Variants in SLC35F1 observed in about 807,000 individuals in gnomAD.
SLC35F1 encodes the protein solute carrier family 35 member F1.
In SLC35F1, 14 loss-of-function variants were observed where a neutral mutation model predicts 48.7. That is an observed-to-expected ratio of 0.29 (90% CI 0.19 to 0.45). The LOEUF is 0.45. Ranked by LOEUF, SLC35F1 falls within the 20% of genes least tolerant of loss-of-function variation. The probability of loss-of-function intolerance (pLI) is 1.00; values close to 1 mark genes in which losing one functional copy is unlikely to be tolerated. For missense variants in SLC35F1, 404 were observed against 500.0 expected (o/e 0.81, Z 1.83); for synonymous variants, 190 against 202.2 (o/e 0.94, Z 0.51).
chr6:118,053,552 C>G (rs189015099), intron 1 of SLC35F1, among the ~76,000 whole-genome samples: 203 of 152,308 alleles, frequency 1.3e-3, no homozygotes, highest in Non-Finnish European at 2.5e-3. Flanking sequence ...TAGTCTGTCT[C>G]TCTCCACATG....
chr6:118,114,220 A>G (rs560678629), intron 1 of SLC35F1, among the ~76,000 whole-genome samples: 1 of 152,282 alleles, frequency 6.6e-6, no homozygotes, highest in South Asian at 2.1e-4. Flanking sequence ...CAGAGCCCAA[A>G]CACTTAACCA....
chr6:118,121,798 C>T (rs1299623170), intron 1 of SLC35F1, among the ~76,000 whole-genome samples: 1 of 152,176 alleles, frequency 6.6e-6, no homozygotes, highest in Non-Finnish European at 1.5e-5. Context: ...ATTAACTACA[C>T]ACTGTGAGAG....
chr6:118,225,875 C>CAAAA (rs376054711), intron 2 of SLC35F1, among the ~76,000 whole-genome samples: 19 of 131,112 alleles, frequency 1.4e-4, no homozygotes, highest in East Asian at 2.2e-4. Context: ...GACTTTGTCT[C>CAAAA]AAAAAAAAAA....
chr6:117,914,408 A>T (rs769407418), intron 1 of SLC35F1, among the ~76,000 whole-genome samples: 15 of 152,342 alleles, frequency 9.8e-5, no homozygotes, highest in East Asian at 1.9e-4. Flanking sequence ...TACTAATTAT[A>T]TACAGATTTA....
intron 2 of SLC35F1, among the ~76,000 whole-genome samples, chr6:118,191,626 G>C (rs1774734647): frequency 6.6e-6 from 1 of 152,116 alleles, no homozygotes; most frequent in Admixed American, 6.6e-5. Context: ...TTTCTCTTAT[G>C]TTCTCAGAAG....
chr6:118,001,306 A>G (rs1439211789), intron 1 of SLC35F1, among the ~76,000 whole-genome samples: 2 of 152,132 alleles, frequency 1.3e-5, no homozygotes, highest in African/African-American at 4.8e-5. Flanking sequence ...CATATCTACA[A>G]CTATCTGATC....
intron 2 of SLC35F1, among the ~76,000 whole-genome samples, chr6:118,176,058 G>A (rs1482295139): frequency 6.6e-6 from 1 of 151,928 alleles, no homozygotes; most frequent in Non-Finnish European, 1.5e-5. Context: ...TCATTTTTGG[G>A]GAGCTCTGAC....
chr6:118,287,927 G>T (rs1776070573), intron 7 of SLC35F1, among the ~76,000 whole-genome samples: 1 of 151,962 alleles, frequency 6.6e-6, no homozygotes, highest in Non-Finnish European at 1.5e-5. Flanking sequence ...CAGAAGGGAG[G>T]CTGTGTTATC....
intron 1 of SLC35F1, among the ~76,000 whole-genome samples, chr6:118,107,420 G>A (rs1773340895): frequency 6.6e-6 from 1 of 152,112 alleles, no homozygotes; most frequent in Admixed American, 6.6e-5. Flanking sequence ...AGTGACTACA[G>A]GGGGAACATA....
intron 7 of SLC35F1, among the ~76,000 whole-genome samples, chr6:118,299,262 T>C (rs1302554456): frequency 6.6e-6 from 1 of 152,198 alleles, no homozygotes; most frequent in Non-Finnish European, 1.5e-5. Flanking sequence ...AGAATTTGTG[T>C]CCATAGAGAC....
At chr6:118,212,497 C>T (rs1379596408) in intron 2 of SLC35F1, among the ~76,000 whole-genome samples, 2 of 152,024 alleles carry the variant, frequency 1.3e-5, no homozygotes, top group Admixed American at 1.3e-4. Context: ...GAAGACCACC[C>T]TGGCCAACAT....
At chr6:118,022,620 C>G (rs1002690690) in intron 1 of SLC35F1, among the ~76,000 whole-genome samples, 3 of 152,026 alleles carry the variant, frequency 2.0e-5, no homozygotes, top group African/African-American at 7.3e-5. Context: ...AAGGAAACTG[C>G]TGAAATAGCT....
intron 1 of SLC35F1, among the ~76,000 whole-genome samples, chr6:117,996,749 C>G (rs1582607410): frequency 6.6e-6 from 1 of 152,186 alleles, no homozygotes; most frequent in Non-Finnish European, 1.5e-5. Flanking sequence ...AACTAACAAA[C>G]AGAAAGGACA....
At position 118,153,871 on chromosome 6, in the gene SLC35F1, T is replaced by C. The variant is rs576800510; in HGVS notation, c.174-574T>C. 5.9e-5 allele frequency among the ~76,000 whole-genome samples: 9 copies of C among 152,296 alleles called. No homozygotes were observed. In the East Asian group the frequency reaches 1.4e-3, roughly 23 times the overall value. The stretch of plus-strand genomic sequence containing the variant: ...AAGCTTCCTAGAGCAAACTGAGTTC[T>C]AGAGTCTGGGAATGGACAGCAGATG... On this transcript the variant is annotated intron_variant, in intron 1 of 7. Coordinates refer to ENST00000360388, the MANE Select transcript of SLC35F1 (RefSeq NM_001029858.4).
chr6:118,104,779 G>A (rs940202156), intron 1 of SLC35F1, among the ~76,000 whole-genome samples: 1 of 152,170 alleles, frequency 6.6e-6, no homozygotes, highest in Non-Finnish European at 1.5e-5. Flanking sequence ...AAGTTAAAAA[G>A]ACCTTGAGGC....
At chr6:118,212,725 GGAAAGGAA>G (rs1562327012) in intron 2 of SLC35F1, among the ~76,000 whole-genome samples, 6 of 104,000 alleles carry the variant, frequency 5.8e-5, no homozygotes, top group African/African-American at 1.9e-4. Context: ...AAGGAAGGAA[GGAAAGGAA>G]GGAAGGAAGG....
At chr6:118,287,248 T>A (rs1776062685) in intron 7 of SLC35F1, among the ~76,000 whole-genome samples, 1 of 152,204 alleles carries the variant, frequency 6.6e-6, no homozygotes, top group Non-Finnish European at 1.5e-5. Flanking sequence ...GGGGAACACC[T>A]GGCTATGGGT....
At chr6:117,971,582 G>A (rs557405730) in intron 1 of SLC35F1, among the ~76,000 whole-genome samples, 1 of 151,180 alleles carries the variant, frequency 6.6e-6, no homozygotes, top group East Asian at 1.9e-4. Flanking sequence ...CCTGCAGTAA[G>A]CTTCTGCCTG....
At chr6:118,050,378 T>TC (rs1161619993) in intron 1 of SLC35F1, among the ~76,000 whole-genome samples, 2 of 100,096 alleles carry the variant, frequency 2.0e-5, no homozygotes, top group Non-Finnish European at 4.8e-5. Context: ...TAATAAAATT[T>TC]CAAAAAAAAA....
Sources: gnomAD v4.1 joint callset for allele counts (sites outside exome capture counted in the v4.1 genomes callset) on GRCh38, gnomAD v4.1.1 for gene constraint, MANE v1.5 for transcripts, NCBI Gene and HGNC (gene_info 2026-07-23, HGNC 2026-07-21) for gene names.